Variants in FYCO1 observed in about 807,000 individuals in gnomAD.
The protein encoded by FYCO1 is FYVE and coiled-coil domain autophagy adaptor 1.
A neutral mutation model predicts 165.1 loss-of-function variants in FYCO1; 122 were observed. That is an observed-to-expected ratio of 0.74 (90% CI 0.64 to 0.86). The LOEUF is 0.86. FYCO1 is among the 40% of genes least tolerant of loss of function. FYCO1 has a pLI of 0.00. For synonymous variants in FYCO1, 648 were observed against 742.5 expected, an observed-to-expected ratio of 0.87 and a Z score of 2.07; for missense variants, 1,702 against 1,810.3, an observed-to-expected ratio of 0.94 and a Z score of 1.09.
Position 45,921,733 on chromosome 3 carries a change from G to A in FYCO1, c.*32C>T. ...CAGGTGAGGAAGAGCAGTGTTTCCTGTGGATGAAGTGAAGTTACTGAGGTG... is the reference window on the plus strand; with the variant it reads ...CAGGTGAGGAAGAGCAGTGTTTCCTATGGATGAAGTGAAGTTACTGAGGTG... On this transcript the variant is annotated 3_prime_UTR_variant, in exon 18 of 18. Coordinates refer to ENST00000296137, the MANE Select transcript of FYCO1 (RefSeq NM_024513.4). 7.2e-7 allele frequency: 1 copy of A among 1,395,704 alleles called. No homozygotes were observed. Among genetic ancestry groups the A allele is most frequent in the Non-Finnish European group, 1.0e-6 (1 of 980,454 alleles). 86.5% of individuals were successfully genotyped at this position (1,395,704 alleles called of 1,614,324 possible). A position where few individuals can be genotyped will look rare whatever the true frequency, so the allele number is the denominator to read the frequency against.
At chr3:45,991,766 G>C (rs1707572448) in intron 1 of FYCO1, among the ~76,000 whole-genome samples, 1 of 152,144 alleles carries the variant, frequency 6.6e-6, no homozygotes, top group Admixed American at 6.5e-5. Flanking sequence ...CTCCTGTCAG[G>C]GGGTGAATTG....
chr3:45,930,828 C>T (rs763621864), intron 16 of FYCO1, among the ~76,000 whole-genome samples: 1 of 152,090 alleles, frequency 6.6e-6, no homozygotes, highest in Admixed American at 6.5e-5. Context: ...CAGACTGTAC[C>T]TGTTTCACAC....
chr3:45,951,302 G>A (rs1705009461), intron 14 of FYCO1, among the ~76,000 whole-genome samples: 1 of 152,186 alleles, frequency 6.6e-6, no homozygotes, highest in African/African-American at 2.4e-5. Context: ...CTAGGGGTGA[G>A]TGCTGTTCCA....
intron 14 of FYCO1, chr3:45,938,068 C>T (rs924988893): frequency 3.2e-5 from 14 of 436,300 alleles, no homozygotes; most frequent in Non-Finnish European, 5.7e-5. Context: ...GAGAGAGACA[C>T]TGAAAGCTGT....
Position 45,921,595 on chromosome 3 carries a change from G to A in FYCO1, c.*170C>T, listed in dbSNP as rs193115143. ...AACGCCTCGGGGGCTAAGAGTGGCC[G>A]GTGCAGAGTGCTGAGCACAAAGTCC... On this transcript the variant is annotated 3_prime_UTR_variant, in exon 18 of 18. Coordinates refer to ENST00000296137, the MANE Select transcript of FYCO1 (RefSeq NM_024513.4). The A allele has an allele frequency of 6.0e-5, 39 of 649,268 alleles. No individual in the cohort carries two copies. Among genetic ancestry groups the A allele is most frequent in the African/African-American group, 4.5e-4 (25 of 55,666 alleles). 40.2% of individuals were successfully genotyped at this position (649,268 alleles called of 1,614,324 possible). A position where few individuals can be genotyped will look rare whatever the true frequency, so the allele number is the denominator to read the frequency against.
chr3:45,992,531 T>C (rs867562628), intron 1 of FYCO1, among the ~76,000 whole-genome samples: 10 of 152,330 alleles, frequency 6.6e-5, no homozygotes, highest in East Asian at 1.9e-4. Context: ...CATGCCATGG[T>C]TGGGTGAGAC....
chr3:45,921,540 T>C lies in FYCO1; in HGVS notation c.*225A>G. 1.8e-6 allele frequency: 1 copy of C among 548,798 alleles called. No individual in the cohort carries two copies. The highest frequency in any genetic ancestry group is 3.3e-6 in the Non-Finnish European group (1 of 302,372). The allele number at this position is 548,798 out of a possible 1,614,324, so 34.0% of individuals were successfully genotyped here. Reference sequence around the variant, plus strand: ...TTGGGTGTGACAACAGCTGAGTCTCTACTTAATGGAAACATTGCCTGAGCC... The same window carrying C: ...TTGGGTGTGACAACAGCTGAGTCTCCACTTAATGGAAACATTGCCTGAGCC... On this transcript the variant is annotated 3_prime_UTR_variant, in exon 18 of 18. Coordinates refer to ENST00000296137, the MANE Select transcript of FYCO1 (RefSeq NM_024513.4).
In FYCO1 at chr3:45,958,293, T is replaced by C. The variant is rs960549923; in HGVS notation, c.3799+115A>G. The stretch of plus-strand genomic sequence containing the variant: ...GTAATATATTTTAGCACCTCTTTAA[T>C]ACCTAAGTTTAGAAAACACTGAATT... On this transcript the variant is annotated intron_variant, in intron 13 of 17. Transcript: ENST00000296137. The C allele has an allele frequency of 6.8e-6, 6 of 878,738 alleles. No individual in the cohort carries two copies. The South Asian group carries it at 8.8e-5, about 13-fold the overall frequency. 54.4% of individuals were successfully genotyped at this position (878,738 alleles called of 1,614,324 possible).
At chr3:45,933,408 C>T (rs1703729500) in intron 15 of FYCO1, among the ~76,000 whole-genome samples, 2 of 152,164 alleles carry the variant, frequency 1.3e-5, no homozygotes, top group South Asian at 4.1e-4. Flanking sequence ...GCATTTTATT[C>T]CCATGTCCAG....
rs2248228 is a variant in FYCO1, at chr3:45,923,894, G to A, written c.4252-129C>T. On this transcript the variant is annotated intron_variant, in intron 16 of 17. Coordinates refer to ENST00000296137, the MANE Select transcript of FYCO1 (RefSeq NM_024513.4). ...CCTGAGGTCACAGATGAGCAGAGCC[G>A]GAGCTGTGACCAGCCCCAGTAGTGG... is the stretch of plus-strand genomic sequence containing the variant. The A allele has an allele frequency of 0.39, 280,682 of 717,832 alleles. 59,303 individuals are homozygous for A. Among genetic ancestry groups the A allele is most frequent in the East Asian group, 0.59 (22,681 of 38,174 alleles). 44.5% of individuals were successfully genotyped at this position (717,832 alleles called of 1,614,324 possible). A position where few individuals can be genotyped will look rare whatever the true frequency, so the allele number is the denominator to read the frequency against.
chr3:45,926,732 AG>A (rs1164025492), intron 16 of FYCO1, among the ~76,000 whole-genome samples: 1 of 152,244 alleles, frequency 6.6e-6, no homozygotes, highest in African/African-American at 2.4e-5. Flanking sequence ...CGGGAGGCCG[AG>A]GTGGGTGGAT....
intron 14 of FYCO1, among the ~76,000 whole-genome samples, chr3:45,954,357 T>A (rs1420133792): frequency 6.6e-6 from 1 of 152,190 alleles, no homozygotes. Flanking sequence ...ATGCGTTCCC[T>A]GACAGTATTA....
In FYCO1 at chr3:45,921,508, C is replaced by A; in HGVS notation, c.*257G>T. On this transcript the variant is annotated 3_prime_UTR_variant, in exon 18 of 18. Transcript: ENST00000296137. ...CTGGGTGTTTAAACCTTTGGCAGAG[C>A]ATCCCTTTGGGTGTGACAACAGCTG... 1 of 482,744 alleles carries A rather than the reference C, an allele frequency of 2.1e-6. No individual in the cohort carries two copies. The highest frequency in any genetic ancestry group is 4.0e-5 in the East Asian group (1 of 25,250). 29.9% of individuals were successfully genotyped at this position (482,744 alleles called of 1,614,324 possible).
At chr3:45,922,719 T>C (rs1046163445) in intron 17 of FYCO1, among the ~76,000 whole-genome samples, 21 of 152,168 alleles carry the variant, frequency 1.4e-4, no homozygotes, top group African/African-American at 4.8e-4. Flanking sequence ...TGGTGGGCAC[T>C]CTTGGCCACA....
chr3:45,952,493 C>T (rs1451381198), intron 14 of FYCO1, among the ~76,000 whole-genome samples: 1 of 152,186 alleles, frequency 6.6e-6, no homozygotes, highest in Non-Finnish European at 1.5e-5. Context: ...CAGCCTTTAA[C>T]TGACTTGGAA....
chr3:45,954,450 T>C (rs1705203883), intron 14 of FYCO1, among the ~76,000 whole-genome samples: 1 of 152,168 alleles, frequency 6.6e-6, no homozygotes, highest in Non-Finnish European at 1.5e-5. Context: ...ATACTCTGCC[T>C]TCATCACTCA....
At chr3:45,929,108 G>T (rs1488551217) in intron 16 of FYCO1, among the ~76,000 whole-genome samples, 2 of 152,236 alleles carry the variant, frequency 1.3e-5, no homozygotes, top group African/African-American at 2.4e-5. Flanking sequence ...CTGGAAACAG[G>T]CTACCCTGGC....
At chr3:45,958,284 C>A (rs1705468747) in intron 13 of FYCO1, 124 bp downstream of exon 13, 3 of 795,952 alleles carry the variant, frequency 3.8e-6, no homozygotes, top group South Asian at 3.1e-5. Flanking sequence ...TATTTTAGCA[C>A]CTCTTTAATA....
At chr3:45,976,281 T>C (rs117008252) in intron 4 of FYCO1, among the ~76,000 whole-genome samples, 1 of 152,292 alleles carries the variant, frequency 6.6e-6, no homozygotes, top group East Asian at 1.9e-4. Context: ...CAAAAGCTTG[T>C]TGTGATGGAA....
Sources: gnomAD v4.1 joint callset for allele counts (sites outside exome capture counted in the v4.1 genomes callset) on GRCh38, gnomAD v4.1.1 for gene constraint, MANE v1.5 for transcripts, NCBI Gene and HGNC (gene_info 2026-07-23, HGNC 2026-07-21) for gene names.